The following OCIAD1 variants were observed in gnomAD, a reference collection of about 807,000 sequenced individuals.
OCIAD1 encodes the protein OCIA domain-containing protein 1.
Under a neutral mutation model 38.9 loss-of-function variants are expected in OCIAD1, and 29 were observed. The ratio of observed to expected loss-of-function variants is 0.74; its 90% CI spans 0.55 to 1.02. The LOEUF (loss-of-function observed/expected upper bound fraction) is 1.02, where lower values mean the gene tolerates loss of function less well. OCIAD1 is among the 50% of genes least tolerant of loss of function. The probability of loss-of-function intolerance (pLI) is 0.00; values close to 1 mark genes in which losing one functional copy is unlikely to be tolerated. For missense variants in OCIAD1, 288 were observed against 289.6 expected, an observed-to-expected ratio of 0.99 and a Z score of 0.04; for synonymous variants, 110 against 92.0, an observed-to-expected ratio of 1.20 and a Z score of -1.12.
intron 1 of OCIAD1, among the ~76,000 whole-genome samples, chr4:48,821,028 G>T (rs1318189133): frequency 2.0e-5 from 3 of 152,116 alleles, no homozygotes; most frequent in Non-Finnish European, 4.4e-5. Context: ...GAAAAAGAAG[G>T]ACTCCTCCTT....
rs140106384 is a variant in OCIAD1 at position 48,847,721 on chromosome 4, G to A, written c.194-678G>A. On this transcript the variant is annotated intron_variant, in intron 4 of 8. Coordinates refer to ENST00000264312, the MANE Select transcript of OCIAD1 (RefSeq NM_017830.4). ...GATCTGTTTCTGGACTCTTAGTTTT[G>A]GTCAGTTTGCCTATTCTTGTACTTA... Among the ~76,000 whole-genome samples the A allele has an allele frequency of 3.0e-4, 46 of 151,778 alleles. 1 individual carries two copies. The East Asian group carries it at 8.7e-3, about 29-fold the overall frequency.
intron 1 of OCIAD1, among the ~76,000 whole-genome samples, chr4:48,824,514 A>G (rs1777229040): frequency 6.6e-6 from 1 of 151,794 alleles, no homozygotes; most frequent in African/African-American, 2.4e-5. Context: ...CTGGGTAGCT[A>G]GGACTACAGG....
intron 5 of OCIAD1, 128 bp downstream of exon 5, chr4:48,848,574 T>A: frequency 2.3e-6 from 1 of 429,188 alleles, no homozygotes. Context: ...ATCAGTTTGT[T>A]AAAGCATTTC....
At chr4:48,852,571 A>G (rs1232344929) in intron 7 of OCIAD1, 1 of 152,216 alleles carries the variant, frequency 6.6e-6, no homozygotes, top group Non-Finnish European at 1.5e-5. Context: ...TTTGCTAGCT[A>G]TGTGACCTTG....
In OCIAD1 at chr4:48,831,188, C is replaced by G. The variant is rs1777449368; in HGVS notation, c.-67C>G. On this transcript the variant is annotated 5_prime_UTR_variant, in exon 1 of 9. Coordinates refer to ENST00000264312, the MANE Select transcript of OCIAD1 (RefSeq NM_017830.4). Reference sequence around the variant, plus strand: ...CCCTGCCCCCTCTCGAGTCCACCCTCCGGGCCTTCTGCCCCTGATCGCTTG... The same window carrying G: ...CCCTGCCCCCTCTCGAGTCCACCCTGCGGGCCTTCTGCCCCTGATCGCTTG... 1 of 332,930 alleles carries G rather than the reference C, an allele frequency of 3.0e-6. No individual in the cohort carries two copies. Among genetic ancestry groups the G allele is most frequent in the Non-Finnish European group, 6.0e-6 (1 of 166,910 alleles). 20.6% of individuals were successfully genotyped at this position (332,930 alleles called of 1,614,324 possible).
chr4:48,813,762 A>G (rs1232825894), intron 1 of OCIAD1, among the ~76,000 whole-genome samples: 1 of 152,230 alleles, frequency 6.6e-6, no homozygotes, highest in Non-Finnish European at 1.5e-5. Context: ...TTACTTCTAT[A>G]TCAGAAAGTA....
chr4:48,857,444 A>G, intron 8 of OCIAD1, 79 bp downstream of exon 8: 2 of 796,102 alleles, frequency 2.5e-6, no homozygotes, highest in Non-Finnish European at 3.6e-6. Context: ...ACTATAAAAA[A>G]TTAATTAATA....
intron 7 of OCIAD1, among the ~76,000 whole-genome samples, chr4:48,855,619 C>T (rs773341809): frequency 2.0e-5 from 3 of 152,044 alleles, no homozygotes; most frequent in Admixed American, 6.6e-5. Context: ...GAGTTCAAGA[C>T]CAGCCTGACC....
chr4:48,830,205 C>CA (rs761441164), upstream of OCIAD1, among the ~76,000 whole-genome samples: 1 of 152,142 alleles, frequency 6.6e-6, no homozygotes, highest in Non-Finnish European at 1.5e-5. Flanking sequence ...CTGGAGCTAT[C>CA]AAAAGACTCC....
At chr4:48,832,279 CA>C (rs1435881857) in intron 1 of OCIAD1, among the ~76,000 whole-genome samples, 1 of 151,904 alleles carries the variant, frequency 6.6e-6, no homozygotes, top group Non-Finnish European at 1.5e-5. Flanking sequence ...GAGAAACGAC[CA>C]AAACATAGGA....
At chr4:48,808,405 G>A (rs1777051647) in intron 1 of OCIAD1, among the ~76,000 whole-genome samples, 1 of 152,100 alleles carries the variant, frequency 6.6e-6, no homozygotes, top group Non-Finnish European at 1.5e-5. Flanking sequence ...GAGAGTCTGA[G>A]GCTACAGTGA....
At chr4:48,857,168 A>G in intron 7 of OCIAD1, 45 bp from the exon 8 acceptor site, 2 of 1,298,316 alleles carry the variant, frequency 1.5e-6, no homozygotes, top group Non-Finnish European at 2.1e-6. Context: ...CTTTAGAGTT[A>G]TACAAATCCT....
chr4:48,833,105 G>A (rs1777663942), intron 2 of OCIAD1, among the ~76,000 whole-genome samples: 1 of 152,036 alleles, frequency 6.6e-6, no homozygotes. Flanking sequence ...CAAAAAATTA[G>A]CCTGGCGTGG....
At chr4:48,858,682 TG>T (rs1206980067) in intron 8 of OCIAD1, among the ~76,000 whole-genome samples, 1 of 152,208 alleles carries the variant, frequency 6.6e-6, no homozygotes, top group Non-Finnish European at 1.5e-5. Flanking sequence ...CTCAAACTCC[TG>T]GGCTCAACCA....
intron 8 of OCIAD1, 87 bp from the exon 9 acceptor site, chr4:48,860,638 T>A (rs111912741): frequency 2.6e-5 from 26 of 1,014,316 alleles, no homozygotes; most frequent in African/African-American, 1.4e-4. Flanking sequence ...GAGAGAAACA[T>A]AACTTTTCAT....
At chr4:48,805,424 T>G (rs1777014808) in intron 1 of OCIAD1, 1 of 152,374 alleles carries the variant, frequency 6.6e-6, no homozygotes, top group Non-Finnish European at 1.5e-5. Flanking sequence ...TGTTTTGAGC[T>G]GCTAAATCTT....
At chr4:48,812,142 G>T (rs1437695714) in intron 1 of OCIAD1, among the ~76,000 whole-genome samples, 1 of 151,616 alleles carries the variant, frequency 6.6e-6, no homozygotes, top group Non-Finnish European at 1.5e-5. Context: ...AATTAGCCAG[G>T]CTTGGTGATG....
At chr4:48,845,517 G>A (rs767600653) in intron 4 of OCIAD1, among the ~76,000 whole-genome samples, 1 of 152,078 alleles carries the variant, frequency 6.6e-6, no homozygotes, top group Non-Finnish European at 1.5e-5. Flanking sequence ...TTGAGTGTCT[G>A]ATATGTACTA....
chr4:48,825,716 C>T (rs1777243628), intron 1 of OCIAD1, among the ~76,000 whole-genome samples: 1 of 152,172 alleles, frequency 6.6e-6, no homozygotes, highest in South Asian at 2.1e-4. Context: ...GTTAAGAAAT[C>T]CGCCCTATGC....
Sources: allele counts gnomAD v4.1 joint callset (sites outside exome capture counted in the v4.1 genomes callset), GRCh38; gene constraint gnomAD v4.1.1; transcripts MANE v1.5; gene names NCBI Gene and HGNC (gene_info 2026-07-23, HGNC 2026-07-21).